Variants in CCDC60 observed in about 807,000 individuals in gnomAD.
CCDC60 encodes the protein coiled-coil domain-containing protein 60.
CCDC60 carries 54 observed loss-of-function variants against 63.5 expected under a neutral mutation model. That is an observed-to-expected ratio of 0.85 (90% confidence interval 0.68 to 1.07). CCDC60 has a LOEUF of 1.07. Ranked by LOEUF, CCDC60 falls within the 50% of genes least tolerant of loss-of-function variation. CCDC60 has a pLI of 0.00. For synonymous variants in CCDC60, 206 were observed against 238.8 expected (o/e 0.86, Z 1.27); for missense variants, 651 against 684.3 (o/e 0.95, Z 0.54).
intron 1 of CCDC60, among the ~76,000 whole-genome samples, chr12:119,339,638 G>GAACAA (rs1015270080): frequency 6.6e-6 from 1 of 152,060 alleles, no homozygotes; most frequent in Non-Finnish European, 1.5e-5. Flanking sequence ...AGTAAAAACA[G>GAACAA]AACAAAACAA....
Position 119,439,150 on chromosome 12 carries a change from CAAAAA to C in CCDC60, c.170+10408_170+10412del, listed in dbSNP as rs11317847. ...ACAGTATATACATCCCTTTTCTGGG[CAAAAA>C]AAAAAAAAAAAAAAAAAAAGAGTTA... On this transcript the variant is annotated intron_variant, in intron 2 of 13. Transcript: ENST00000327554. Among the ~76,000 whole-genome samples, 415 of 72,280 alleles carry C rather than the reference CAAAAA, an allele frequency of 5.7e-3. 10 individuals are homozygous for C. The East Asian group carries it at 0.061, about 11-fold the overall frequency. The allele number at this position is 72,280 out of a possible 152,430, so 47.4% of individuals were successfully genotyped here. A position where few individuals can be genotyped will look rare whatever the true frequency, so the allele number is the denominator to read the frequency against.
At chr12:119,539,387 C>T (rs1953094477) in intron 13 of CCDC60, among the ~76,000 whole-genome samples, 1 of 152,214 alleles carries the variant, frequency 6.6e-6, no homozygotes, top group African/African-American at 2.4e-5. Flanking sequence ...AGATGCCCTG[C>T]CCAGAAAGGA....
intron 1 of CCDC60, among the ~76,000 whole-genome samples, chr12:119,405,289 T>C (rs1292440021): frequency 6.6e-6 from 1 of 152,260 alleles, no homozygotes; most frequent in Non-Finnish European, 1.5e-5. Context: ...AGCGTTGTTA[T>C]TGATTTGGTC....
At chr12:119,531,268 C>T (rs1952833639) in intron 13 of CCDC60, among the ~76,000 whole-genome samples, 2 of 152,178 alleles carry the variant, frequency 1.3e-5, no homozygotes, top group South Asian at 4.1e-4. Flanking sequence ...ATGGTACCCC[C>T]TGGAAACTCA....
rs1204185757 is a variant in CCDC60 at position 119,523,679 on chromosome 12, A to G, written c.1104-14A>G. On this transcript the variant is annotated splice_polypyrimidine_tract_variant and intron_variant, in intron 10 of 13. Transcript: ENST00000327554. The stretch of plus-strand genomic sequence containing the variant: ...GGGCTCCATTCCCCAAGCCCTTCTT[A>G]TCTGTGTCCACAGCCGCACTAATTG... The G allele has an allele frequency of 1.2e-6, 2 of 1,613,694 alleles. No individual in the cohort carries two copies. The highest frequency in any genetic ancestry group is 1.7e-6 in the Non-Finnish European group (2 of 1,179,792).
At position 119,514,737 on chromosome 12, in the gene CCDC60, TA is replaced by T. The variant is rs548040797; in HGVS notation, c.884-1884del. Among the ~76,000 whole-genome samples the T allele has an allele frequency of 2.0e-3, 309 of 152,296 alleles. 1 individual carries two copies. In the Middle Eastern group the frequency reaches 0.027, roughly 13 times the overall value. ...TATTTTTAGTAAATTTACTGCAGCC[TA>T]AGTGTACAGTGTTTATAAAGTCCAC... On this transcript the variant is annotated intron_variant, in intron 7 of 13. Transcript: ENST00000327554.
At chr12:119,436,470 A>C (rs1418508629) in intron 2 of CCDC60, among the ~76,000 whole-genome samples, 1 of 151,954 alleles carries the variant, frequency 6.6e-6, no homozygotes, top group Non-Finnish European at 1.5e-5. Context: ...GATGGAGAAG[A>C]AGCCAACTAG....
intron 2 of CCDC60, among the ~76,000 whole-genome samples, chr12:119,443,738 A>G (rs1459620272): frequency 6.6e-6 from 1 of 152,188 alleles, no homozygotes. Flanking sequence ...GATTTAATGT[A>G]TTCACAGGCA....
At chr12:119,527,670 T>C (rs7298870) in intron 11 of CCDC60, among the ~76,000 whole-genome samples, 12 of 95,160 alleles carry the variant, frequency 1.3e-4, no homozygotes, top group East Asian at 7.0e-4. Context: ...TTCTTTCTTT[T>C]TTTTTTTTTT....
chr12:119,457,557 C>A (rs187224323), intron 2 of CCDC60, among the ~76,000 whole-genome samples: 333 of 152,338 alleles, frequency 2.2e-3, no homozygotes, highest in African/African-American at 7.6e-3. Context: ...TTGCTGTATA[C>A]ACAATATGCT....
Position 119,528,712 on chromosome 12 carries a change from G to A in CCDC60, c.1327G>A (p.Val443Ile), listed in dbSNP as rs1566064862. The A allele has an allele frequency of 6.2e-7, 1 of 1,613,988 alleles. No homozygotes were observed. Among genetic ancestry groups the A allele is most frequent in the African/African-American group, 1.3e-5 (1 of 75,050 alleles). ...IAKMRHHISV[V>I]KGDAEEIADH... ...AAAAATGAGACATCACATATCTGTA[G>A]TAAAAGGAGATGCAGAAGAAATTGC... The change falls in exon 12 of 14, where the codon GTA becomes ATA. Residue 443 changes from valine (V) to isoleucine (I), a missense_variant. By Grantham distance (29) the Val-to-Ile change is conservative. Coordinates refer to ENST00000327554, the MANE Select transcript of CCDC60 (RefSeq NM_178499.5).
At chr12:119,340,227 C>G (rs1278994117) in intron 1 of CCDC60, among the ~76,000 whole-genome samples, 1 of 152,112 alleles carries the variant, frequency 6.6e-6, no homozygotes, top group Non-Finnish European at 1.5e-5. Flanking sequence ...AAATGCTTCC[C>G]CATCAAAGGG....
chr12:119,488,113 G>A (rs150330066), intron 4 of CCDC60, among the ~76,000 whole-genome samples: 302 of 152,300 alleles, frequency 2.0e-3, no homozygotes, highest in African/African-American at 7.0e-3. Context: ...ATCATTCCCA[G>A]CCTGAGACAT....
chr12:119,480,219 G>A (rs929521963), intron 4 of CCDC60, among the ~76,000 whole-genome samples: 1 of 152,132 alleles, frequency 6.6e-6, no homozygotes, highest in South Asian at 2.1e-4. Context: ...AGTCCTCTCA[G>A]CCTCCCTGTT....
At chr12:119,446,070 GA>G (rs1275534943) in intron 2 of CCDC60, among the ~76,000 whole-genome samples, 1 of 151,910 alleles carries the variant, frequency 6.6e-6, no homozygotes, top group African/African-American at 2.4e-5. Flanking sequence ...ATAACTTATG[GA>G]AAAATTTAAA....
At chr12:119,352,803 G>A (rs1955670105) in intron 1 of CCDC60, among the ~76,000 whole-genome samples, 1 of 152,090 alleles carries the variant, frequency 6.6e-6, no homozygotes, top group African/African-American at 2.4e-5. Flanking sequence ...CGGATGTGGT[G>A]GTGGTAGGTA....
chr12:119,393,619 T>A (rs1956199155), intron 1 of CCDC60, among the ~76,000 whole-genome samples: 1 of 152,230 alleles, frequency 6.6e-6, no homozygotes, highest in South Asian at 2.1e-4. Context: ...CAAACATGCT[T>A]AATCAACTCG....
At chr12:119,502,433 G>T (rs544400934) in intron 6 of CCDC60, among the ~76,000 whole-genome samples, 6 of 152,128 alleles carry the variant, frequency 3.9e-5, no homozygotes, top group Admixed American at 6.5e-5. Flanking sequence ...ATAGCAACTG[G>T]TTAACACAAC....
At chr12:119,518,930 T>C (rs1371790815) in intron 8 of CCDC60, among the ~76,000 whole-genome samples, 3 of 152,216 alleles carry the variant, frequency 2.0e-5, no homozygotes, top group Non-Finnish European at 4.4e-5. Flanking sequence ...CTGCTTTCAA[T>C]TTAATGATAA....
Sources: gnomAD v4.1 joint callset for allele counts (sites outside exome capture counted in the v4.1 genomes callset) on GRCh38, gnomAD v4.1.1 for gene constraint, MANE v1.5 for transcripts, NCBI Gene and HGNC (gene_info 2026-07-23, HGNC 2026-07-21) for gene names.